Variants in MGMT observed in about 807,000 individuals in gnomAD.
MGMT encodes the protein O-6-methylguanine-DNA methyltransferase.
MGMT carries 14 observed loss-of-function variants against 15.9 expected under a neutral mutation model. That is an observed-to-expected ratio of 0.88 (90% CI 0.58 to 1.37). The LOEUF (loss-of-function observed/expected upper bound fraction) is 1.37. MGMT is among the 40% of genes most tolerant of loss of function. The pLI, the probability that MGMT is intolerant of heterozygous loss-of-function variation, is 0.00. For missense variants in MGMT, 282 were observed against 268.1 expected, an observed-to-expected ratio of 1.05 and a Z score of -0.36; for synonymous variants, 130 against 118.2, an observed-to-expected ratio of 1.10 and a Z score of -0.65.
chr10:129,577,346 CA>C (rs1846496295), intron 2 of MGMT, among the ~76,000 whole-genome samples: 1 of 152,172 alleles, frequency 6.6e-6, no homozygotes, highest in East Asian at 1.9e-4. Context: ...AGATATAGAC[CA>C]ATGGAACAGA....
intron 2 of MGMT, among the ~76,000 whole-genome samples, chr10:129,577,099 G>A (rs1846492583): frequency 6.6e-6 from 1 of 152,064 alleles, no homozygotes; most frequent in African/African-American, 2.4e-5. Context: ...TTGTGAAAAT[G>A]GCCATACTGC....
At chr10:129,519,942 G>A (rs1393408188) in intron 1 of MGMT, among the ~76,000 whole-genome samples, 1 of 152,068 alleles carries the variant, frequency 6.6e-6, no homozygotes, top group Non-Finnish European at 1.5e-5. Context: ...AGTGCTATGG[G>A]AGGATTGCGT....
At chr10:129,503,597 G>A (rs1329141096) in intron 1 of MGMT, among the ~76,000 whole-genome samples, 1 of 152,224 alleles carries the variant, frequency 6.6e-6, no homozygotes, top group East Asian at 1.9e-4. Flanking sequence ...TGTTTCTGTT[G>A]AGGGTGATTG....
intron 2 of MGMT, among the ~76,000 whole-genome samples, chr10:129,652,815 G>A (rs1847477397): frequency 6.6e-6 from 1 of 152,232 alleles, no homozygotes; most frequent in Non-Finnish European, 1.5e-5. Flanking sequence ...TGACGTGTGG[G>A]ACCCTCCCAA....
At chr10:129,496,358 A>C (rs1021280618) in intron 1 of MGMT, among the ~76,000 whole-genome samples, 1 of 152,136 alleles carries the variant, frequency 6.6e-6, no homozygotes, top group African/African-American at 2.4e-5. Flanking sequence ...TACATCTTAA[A>C]ATTGATGAAA....
chr10:129,539,180 A>G (rs887700660), intron 2 of MGMT, among the ~76,000 whole-genome samples: 15 of 151,870 alleles, frequency 9.9e-5, no homozygotes, highest in African/African-American at 3.6e-4. Flanking sequence ...TGTAAGAAAT[A>G]TTTGTCTACT....
chr10:129,697,682 C>A (rs560248306), intron 2 of MGMT, among the ~76,000 whole-genome samples: 6 of 152,132 alleles, frequency 3.9e-5, no homozygotes, highest in Non-Finnish European at 5.9e-5. Flanking sequence ...GTTCATGTAC[C>A]CCTGCCCAAG....
intron 3 of MGMT, among the ~76,000 whole-genome samples, chr10:129,748,086 G>A (rs562130486): frequency 1.4e-4 from 21 of 152,214 alleles, no homozygotes; most frequent in East Asian, 1.2e-3. Flanking sequence ...TCTCCCCTGC[G>A]TACTGCACTC....
chr10:129,632,075 C>A (rs73388733), intron 2 of MGMT, among the ~76,000 whole-genome samples: 5,106 of 152,246 alleles, frequency 0.034, 218 homozygotes, highest in African/African-American at 0.097. Context: ...ACAAATGTTA[C>A]TAAAGTTTGG....
intron 1 of MGMT, among the ~76,000 whole-genome samples, chr10:129,535,557 T>TTGCC (rs1408236319): frequency 6.6e-6 from 1 of 152,202 alleles, no homozygotes; most frequent in African/African-American, 2.4e-5. Flanking sequence ...TCTTGCTACG[T>TTGCC]TGCCCAGTCT....
chr10:129,761,960 G>T (rs780590717), intron 4 of MGMT, among the ~76,000 whole-genome samples: 1 of 152,226 alleles, frequency 6.6e-6, no homozygotes, highest in Non-Finnish European at 1.5e-5. Context: ...CTTCAGCTAC[G>T]TAGTTTACTA....
chr10:129,740,611 C>A (rs572644836), intron 3 of MGMT, among the ~76,000 whole-genome samples: 3 of 152,150 alleles, frequency 2.0e-5, no homozygotes, highest in African/African-American at 4.8e-5. Flanking sequence ...AACGGAGGGG[C>A]GACAGGACAG....
At chr10:129,591,084 G>A (rs1846678745) in intron 2 of MGMT, among the ~76,000 whole-genome samples, 1 of 152,306 alleles carries the variant, frequency 6.6e-6, no homozygotes, top group Admixed American at 6.5e-5. Flanking sequence ...GGATGGGCAG[G>A]CCTGCAGAGA....
Position 129,662,343 on chromosome 10 carries a change from C to T in MGMT, c.126-45552C>T, listed in dbSNP as rs568586273. Among the ~76,000 whole-genome samples the T allele has an allele frequency of 1.9e-3, 285 of 152,234 alleles. 1 individual carries two copies. The highest frequency in any genetic ancestry group is 6.0e-3 in the African/African-American group (251 of 41,532). ...TAGGGTGACCAGTCATCCCAGCTCG[C>T]CTGTGACTGAGGGGCCTCCCAGGAC... On this transcript the variant is annotated intron_variant, in intron 2 of 4. Transcript: ENST00000651593.
intron 2 of MGMT, among the ~76,000 whole-genome samples, chr10:129,579,451 C>T (rs771306616): frequency 3.3e-5 from 5 of 152,236 alleles, no homozygotes; most frequent in Non-Finnish European, 5.9e-5. Flanking sequence ...ACTCGGCCTG[C>T]CCCGTTTCTG....
intron 3 of MGMT, among the ~76,000 whole-genome samples, chr10:129,739,334 A>G (rs1043248604): frequency 6.6e-6 from 1 of 152,240 alleles, no homozygotes; most frequent in African/African-American, 2.4e-5. Flanking sequence ...AATAAAGGGT[A>G]TTCAATTAGG....
At chr10:129,703,680 G>GA (rs61526687) in intron 2 of MGMT, among the ~76,000 whole-genome samples, 9,394 of 152,100 alleles carry the variant, frequency 0.062, 769 homozygotes, top group African/African-American at 0.19. Flanking sequence ...TCGCCGGGGG[G>GA]GCACCTTTGC....
chr10:129,507,407 G>A (rs554391007), intron 1 of MGMT, among the ~76,000 whole-genome samples: 5 of 152,308 alleles, frequency 3.3e-5, no homozygotes, highest in Admixed American at 6.5e-5. Flanking sequence ...GGTGCGGGCC[G>A]CCCTGTGCAC....
chr10:129,738,010 G>T (rs868359443), intron 3 of MGMT, among the ~76,000 whole-genome samples: 26 of 152,302 alleles, frequency 1.7e-4, no homozygotes, highest in African/African-American at 5.8e-4. Context: ...TCTTTTTGTT[G>T]GTCTGTGCCC....
Sources: allele counts gnomAD v4.1 joint callset (sites outside exome capture counted in the v4.1 genomes callset), GRCh38; gene constraint gnomAD v4.1.1; transcripts MANE v1.5; gene names NCBI Gene and HGNC (gene_info 2026-07-23, HGNC 2026-07-21).